The following RAPGEF4 variants were observed in gnomAD, a reference collection of about 807,000 sequenced individuals.
RAPGEF4 encodes Rap guanine nucleotide exchange factor 4, also known as RAP guanine-nucleotide-exchange factor (GEF) 4.
A neutral mutation model predicts 147.9 loss-of-function variants in RAPGEF4; 66 were observed. That is an observed-to-expected ratio of 0.45 (90% confidence interval 0.37 to 0.55). RAPGEF4 has a LOEUF of 0.55. RAPGEF4 is among the 20% of genes least tolerant of loss of function. The pLI, the probability that RAPGEF4 is intolerant of heterozygous loss-of-function variation, is 0.00. For synonymous variants in RAPGEF4, 419 were observed against 442.7 expected, an observed-to-expected ratio of 0.95 and a Z score of 0.67; for missense variants, 1,071 against 1,257.3, an observed-to-expected ratio of 0.85 and a Z score of 2.24.
At chr2:172,828,974 A>G (rs1167687227) in intron 4 of RAPGEF4, among the ~76,000 whole-genome samples, 1 of 152,206 alleles carries the variant, frequency 6.6e-6, no homozygotes, top group African/African-American at 2.4e-5. Context: ...TCTAGGAAAG[A>G]CAGGTTGGTG....
At chr2:172,933,525 G>A (rs1686205519) in intron 6 of RAPGEF4, among the ~76,000 whole-genome samples, 1 of 152,150 alleles carries the variant, frequency 6.6e-6, no homozygotes, top group African/African-American at 2.4e-5. Context: ...GCAGTCAATA[G>A]CTAATAATGA....
At chr2:172,929,328 C>T (rs1179238268) in intron 6 of RAPGEF4, among the ~76,000 whole-genome samples, 10 of 152,068 alleles carry the variant, frequency 6.6e-5, no homozygotes, top group African/African-American at 9.7e-5. Context: ...TTAAATATTC[C>T]GTAGTCACCC....
chr2:172,901,686 A>G (rs1292004045), intron 4 of RAPGEF4, among the ~76,000 whole-genome samples: 1 of 152,190 alleles, frequency 6.6e-6, no homozygotes, highest in Non-Finnish European at 1.5e-5. Flanking sequence ...GAGGGGTGCC[A>G]TGGTAATTTT....
intron 1 of RAPGEF4, among the ~76,000 whole-genome samples, chr2:172,770,653 A>T (rs1167361677): frequency 1.3e-5 from 2 of 152,198 alleles, no homozygotes; most frequent in East Asian, 1.9e-4. Flanking sequence ...AGCATGTATT[A>T]TGGTGGCATG....
upstream of RAPGEF4, among the ~76,000 whole-genome samples, chr2:172,735,612 G>C (rs986293130): frequency 1.3e-5 from 2 of 152,016 alleles, no homozygotes; most frequent in African/African-American, 4.8e-5. Flanking sequence ...CCCAGTCTCC[G>C]AGGGACGCAG....
At chr2:172,999,417 T>C (rs1486992422) in intron 16 of RAPGEF4, among the ~76,000 whole-genome samples, 1 of 152,212 alleles carries the variant, frequency 6.6e-6, no homozygotes, top group African/African-American at 2.4e-5. Context: ...TTGGCAGTTA[T>C]AGATTTACAG....
rs538160061 is a variant in RAPGEF4, at chr2:172,846,728, C to CAG, written c.444+32306_444+32307dup. 1.5e-4 allele frequency among the ~76,000 whole-genome samples: 23 copies of CAG among 152,300 alleles called. 1 individual carries two copies. In the East Asian group the frequency reaches 3.3e-3, roughly 22 times the overall value. On this transcript the variant is annotated intron_variant, in intron 4 of 30. Coordinates refer to ENST00000397081, the MANE Select transcript of RAPGEF4 (RefSeq NM_007023.4). Reference sequence around the variant, plus strand: ...GAGATTTCCGCTTTACTGTAGGAGACAGAGCACTTCTCACACAAGGCCCGG... The same window carrying CAG: ...GAGATTTCCGCTTTACTGTAGGAGACAGAGAGCACTTCTCACACAAGGCCCGG...
At chr2:172,874,496 A>G (rs1009815242) in intron 4 of RAPGEF4, among the ~76,000 whole-genome samples, 3 of 151,734 alleles carry the variant, frequency 2.0e-5, no homozygotes, top group African/African-American at 4.8e-5. Context: ...AGAACATGCG[A>G]TGTTTGGTTT....
intron 4 of RAPGEF4, among the ~76,000 whole-genome samples, chr2:172,842,410 T>G (rs368834332): frequency 6.6e-6 from 1 of 152,216 alleles, no homozygotes; most frequent in East Asian, 1.9e-4. Flanking sequence ...CAATCCCAAA[T>G]GTAGTGCCTT....
intron 4 of RAPGEF4, among the ~76,000 whole-genome samples, chr2:172,877,008 T>G (rs1301577923): frequency 6.6e-6 from 1 of 152,118 alleles, no homozygotes; most frequent in African/African-American, 2.4e-5. Context: ...ATCCATTTCT[T>G]CTAGATTTTC....
At chr2:172,841,471 C>T (rs1313211673) in intron 4 of RAPGEF4, among the ~76,000 whole-genome samples, 1 of 152,098 alleles carries the variant, frequency 6.6e-6, no homozygotes, top group Non-Finnish European at 1.5e-5. Flanking sequence ...TCCTTTATGG[C>T]AATACAAACA....
intron 6 of RAPGEF4, among the ~76,000 whole-genome samples, chr2:172,937,775 T>C (rs1686741141): frequency 7.4e-6 from 1 of 134,582 alleles, no homozygotes; most frequent in South Asian, 2.7e-4. Flanking sequence ...TTGTCTCCTT[T>C]CCCATGTTGA....
At chr2:172,754,110 C>G (rs1196753384) in intron 1 of RAPGEF4, among the ~76,000 whole-genome samples, 1 of 152,104 alleles carries the variant, frequency 6.6e-6, no homozygotes, top group Non-Finnish European at 1.5e-5. Flanking sequence ...ACTCTATCAC[C>G]AGGAATAACA....
At chr2:172,747,526 G>A (rs1694889541) in intron 1 of RAPGEF4, among the ~76,000 whole-genome samples, 1 of 152,108 alleles carries the variant, frequency 6.6e-6, no homozygotes, top group Non-Finnish European at 1.5e-5. Context: ...GAGTGCAGTG[G>A]CACAATCATA....
intron 1 of RAPGEF4, among the ~76,000 whole-genome samples, chr2:172,756,336 A>C (rs1408129437): frequency 6.6e-6 from 1 of 152,198 alleles, no homozygotes; most frequent in East Asian, 1.9e-4. Flanking sequence ...GCCTTACTGC[A>C]CTGCCTAGCC....
At chr2:173,028,789 C>G (rs1451360828) in intron 25 of RAPGEF4, among the ~76,000 whole-genome samples, 1 of 152,168 alleles carries the variant, frequency 6.6e-6, no homozygotes, top group Admixed American at 6.5e-5. Context: ...ACAGTAGCAT[C>G]TGTTTTACTT....
At chr2:172,927,527 T>C in intron 6 of RAPGEF4, among the ~76,000 whole-genome samples, 1 of 151,990 alleles carries the variant, frequency 6.6e-6, no homozygotes, top group East Asian at 1.9e-4. Context: ...TCCTAACTAC[T>C]TGAGAGGCTG....
chr2:172,970,172 C>G (rs965257227), intron 10 of RAPGEF4, among the ~76,000 whole-genome samples: 2 of 140,750 alleles, frequency 1.4e-5, no homozygotes, highest in African/African-American at 5.1e-5. Context: ...TGTACATACA[C>G]ACACACACCC....
chr2:172,969,615 T>A (rs985032701), intron 10 of RAPGEF4, among the ~76,000 whole-genome samples: 20 of 152,244 alleles, frequency 1.3e-4, no homozygotes, highest in Non-Finnish European at 1.9e-4. Flanking sequence ...AAAAATGCCA[T>A]CTGATTCACA....
Sources: gnomAD v4.1 joint callset for allele counts (sites outside exome capture counted in the v4.1 genomes callset) on GRCh38, gnomAD v4.1.1 for gene constraint, MANE v1.5 for transcripts, NCBI Gene and HGNC (gene_info 2026-07-23, HGNC 2026-07-21) for gene names.